The following CSTPP1 variants were observed in gnomAD, a reference collection of about 807,000 sequenced individuals.
CSTPP1 encodes the protein UPF0705 protein C11orf49.
At chr11:47,026,681 C>T in the CSTPP1 span, among the ~76,000 whole-genome samples, 1 of 152,112 alleles carries the variant, frequency 6.6e-6, no homozygotes, top group East Asian at 1.9e-4. Context: ...AGTTCAAGAC[C>T]AGCCTGGCCA....
chr11:46,988,928 T>C, the CSTPP1 span, among the ~76,000 whole-genome samples: 1 of 152,188 alleles, frequency 6.6e-6, no homozygotes, highest in Non-Finnish European at 1.5e-5. Context: ...TCATAGATTA[T>C]ATATTTGAAA....
the CSTPP1 span, chr11:46,936,776 C>G: frequency 1.2e-6 from 2 of 1,609,500 alleles, no homozygotes; most frequent in Non-Finnish European, 1.7e-6. Flanking sequence ...AGCCGGAGAG[C>G]TGGAGCTTTG....
At chr11:47,011,506 G>A in the CSTPP1 span, among the ~76,000 whole-genome samples, 2 of 152,270 alleles carry the variant, frequency 1.3e-5, no homozygotes, top group African/African-American at 4.8e-5. Context: ...TTTGGGGTGT[G>A]GGCACAATTT....
the CSTPP1 span, among the ~76,000 whole-genome samples, chr11:47,138,589 C>A: frequency 6.6e-6 from 1 of 152,124 alleles, no homozygotes; most frequent in Non-Finnish European, 1.5e-5. Flanking sequence ...GTTAGAAGCC[C>A]CTAATTTCTG....
chr11:46,973,810 C>CTG, the CSTPP1 span, among the ~76,000 whole-genome samples: 5 of 124,082 alleles, frequency 4.0e-5, no homozygotes, highest in Non-Finnish European at 7.2e-5. Flanking sequence ...CTGTGTGTGT[C>CTG]TGTGTGTCTG....
At chr11:47,164,354 C>A in the CSTPP1 span, 1 of 1,274,418 alleles carries the variant, frequency 7.8e-7, no homozygotes, top group Non-Finnish European at 1.1e-6. Context: ...TTTGACACCA[C>A]TTTGTTTCAA....
the CSTPP1 span, among the ~76,000 whole-genome samples, chr11:46,937,173 A>G: frequency 1.3e-5 from 2 of 152,182 alleles, no homozygotes; most frequent in African/African-American, 4.8e-5. Flanking sequence ...ATAACCTTGG[A>G]ACCTCAAGTG....
the CSTPP1 span, among the ~76,000 whole-genome samples, chr11:46,978,814 A>G: frequency 2.0e-5 from 3 of 152,222 alleles, no homozygotes; most frequent in Non-Finnish European, 2.9e-5. Flanking sequence ...ATCAACCACA[A>G]GAGAGAGGAC....
chr11:47,086,676 T>G, the CSTPP1 span, among the ~76,000 whole-genome samples: 18 of 152,310 alleles, frequency 1.2e-4, no homozygotes, highest in African/African-American at 4.3e-4. Flanking sequence ...AGGCAAGTTA[T>G]TAATTGCTAT....
At chr11:46,988,618 A>AT in the CSTPP1 span, among the ~76,000 whole-genome samples, 2 of 151,428 alleles carry the variant, frequency 1.3e-5, no homozygotes, top group African/African-American at 4.9e-5. Context: ...GGTTACAAAA[A>AT]AGAAAAAAAA....
chr11:47,161,156 C>G, the CSTPP1 span: 1 of 1,614,216 alleles, frequency 6.2e-7, no homozygotes, highest in Non-Finnish European at 8.5e-7. Flanking sequence ...GGATCTGATG[C>G]ACGACCCAGC....
At chr11:47,067,781 C>T in the CSTPP1 span, among the ~76,000 whole-genome samples, 1 of 152,178 alleles carries the variant, frequency 6.6e-6, no homozygotes, top group Non-Finnish European at 1.5e-5. Flanking sequence ...TACGGCAGCC[C>T]GGACAGACTA....
chr11:47,159,979 G>A, the CSTPP1 span: 1 of 302,078 alleles, frequency 3.3e-6, no homozygotes, highest in Non-Finnish European at 6.5e-6. Context: ...ATTTCAGCCT[G>A]GACAACAAGA....
At chr11:47,154,787 C>T in the CSTPP1 span, among the ~76,000 whole-genome samples, 3 of 152,196 alleles carry the variant, frequency 2.0e-5, no homozygotes, top group Non-Finnish European at 4.4e-5. Flanking sequence ...AAATGGTCCT[C>T]ACGGCAGAAT....
At chr11:47,147,680 G>A in the CSTPP1 span, among the ~76,000 whole-genome samples, 1 of 152,196 alleles carries the variant, frequency 6.6e-6, no homozygotes, top group Admixed American at 6.5e-5. Context: ...CTTACCAGAA[G>A]TGGCTGCAGG....
the CSTPP1 span, among the ~76,000 whole-genome samples, chr11:46,961,694 T>C: frequency 1.3e-5 from 2 of 152,220 alleles, no homozygotes; most frequent in Non-Finnish European, 2.9e-5. Flanking sequence ...CTAAGAGTTT[T>C]ATAGTATTAG....
chr11:46,966,498 G>T, the CSTPP1 span, among the ~76,000 whole-genome samples: 4 of 151,918 alleles, frequency 2.6e-5, no homozygotes, highest in Non-Finnish European at 5.9e-5. Flanking sequence ...ACTATCACTT[G>T]TTTTCCTTGA....
At chr11:46,991,124 G>A in the CSTPP1 span, among the ~76,000 whole-genome samples, 1 of 151,552 alleles carries the variant, frequency 6.6e-6, no homozygotes, top group South Asian at 2.1e-4. Flanking sequence ...AACATTCTAA[G>A]AAAGGAAGAG....
the CSTPP1 span, chr11:47,155,969 C>G: frequency 6.6e-6 from 1 of 152,248 alleles, no homozygotes; most frequent in African/African-American, 2.4e-5. Context: ...ACAGAGACAT[C>G]AAATGGAGTG....
Sources: gnomAD v4.1 joint callset for allele counts (sites outside exome capture counted in the v4.1 genomes callset) on GRCh38, gnomAD v4.1.1 for gene constraint, MANE v1.5 for transcripts, NCBI Gene and HGNC (gene_info 2026-07-23, HGNC 2026-07-21) for gene names.